AGAP6: variants seen among roughly 807,000 people sequenced by gnomAD.
The protein encoded by AGAP6 is ArfGAP with GTPase domain, ankyrin repeat and PH domain 6.
AGAP6 carries 29 observed loss-of-function variants against 63.9 expected under a neutral mutation model. The ratio of observed to expected loss-of-function variants is 0.45; its 90% CI spans 0.34 to 0.62. The LOEUF is 0.62. AGAP6 is among the 20% of genes least tolerant of loss of function. AGAP6 has a pLI of 0.01. For missense variants in AGAP6, 493 were observed against 884.9 expected (o/e 0.56, Z 5.62); for synonymous variants, 199 against 332.9 (o/e 0.60, Z 4.38).
chr10:50,004,916 TTTATATTGA>T (rs1423026817), intron 6 of AGAP6, among the ~76,000 whole-genome samples, 196 bp downstream of exon 6: 1 of 152,376 alleles, frequency 6.6e-6, no homozygotes, highest in East Asian at 1.9e-4. Context: ...AGAGTATGTG[TTTATATTGA>T]TTATATTGAT....
rs201959678 is a variant in AGAP6, at chr10:49,988,807, C to T, written c.92C>T (p.Thr31Ile). 9.4e-4 allele frequency: 1,500 copies of T among 1,590,170 alleles called. 17 individuals carry two copies. The highest frequency in any genetic ancestry group is 9.0e-4 in the Non-Finnish European group (1,055 of 1,174,556). ...QGSVCPSESE[T>I]YEAGARDRMA... is the part of the protein sequence containing the mutation. ...TCGGTGTGTCCCTCTGAATCTGAGA[C>T]CTATGAGGCAGGAGCTAGGGACAGG... Residue 31 changes from threonine (T) to isoleucine (I), a missense_variant, in exon 1 of 8, where the codon ACC becomes ATC. By Grantham distance (89) the Thr-to-Ile change is moderately conservative. Coordinates refer to ENST00000412531, the MANE Select transcript of AGAP6 (RefSeq NM_001077665.3).
At chr10:50,004,100 T>C (rs1310089290) in intron 5 of AGAP6, among the ~76,000 whole-genome samples, 1 of 151,660 alleles carries the variant, frequency 6.6e-6, no homozygotes, top group African/African-American at 2.4e-5. Context: ...CAGGAGAATC[T>C]CTTGAACCCG....
At chr10:50,005,565 G>C (rs2132156757) in intron 6 of AGAP6, among the ~76,000 whole-genome samples, 1 of 151,724 alleles carries the variant, frequency 6.6e-6, no homozygotes, top group East Asian at 1.9e-4. Flanking sequence ...GAGCTGAGAT[G>C]GTGCCATTGC....
chr10:49,989,582 A>G (rs1480550500), intron 2 of AGAP6, among the ~76,000 whole-genome samples: 1 of 152,136 alleles, frequency 6.6e-6, no homozygotes, highest in African/African-American at 2.4e-5. Context: ...TAAAGTAGCC[A>G]AATCTCAGGA....
In AGAP6 at chr10:49,989,146, C is replaced by G. The variant is rs560245396; in HGVS notation, c.224-162C>G. Among the ~76,000 whole-genome samples the G allele has an allele frequency of 8.6e-5, 13 of 151,648 alleles. No individual in the cohort carries two copies. The South Asian group carries it at 2.5e-3, about 30-fold the overall frequency. On this transcript the variant is annotated intron_variant, in intron 1 of 7. Transcript: ENST00000412531. ...AGTCCAGTCAGTTTCTTTTCGCCTC[C>G]CCTCCCAATCGCCCAGTTCTTGCTC...
Position 49,988,760 on chromosome 10 carries a change from C to T in AGAP6, c.45C>T (p.Leu15=), listed in dbSNP as rs782166423. The part of the protein sequence containing the change: ...LTCRVHPSVS[L]EFDQQQGSVC... ...GTCGTGTGCACCCTAGCGTCAGCCT[C>T]GAGTTTGACCAGCAGCAGGGGTCGG... is the stretch of plus-strand genomic sequence containing the variant. Residue 15 remains leucine (L), a synonymous_variant, in exon 1 of 8, where the codon CTC becomes CTT. Coordinates refer to ENST00000412531, the MANE Select transcript of AGAP6 (RefSeq NM_001077665.3). 17 of 1,588,994 alleles carry T rather than the reference C, an allele frequency of 1.1e-5. No homozygotes were observed. Among genetic ancestry groups the T allele is most frequent in the African/African-American group, 5.4e-5 (4 of 74,078 alleles).
chr10:49,995,048 C>T (rs1214928728), intron 4 of AGAP6, among the ~76,000 whole-genome samples: 9 of 151,932 alleles, frequency 5.9e-5, no homozygotes, highest in African/African-American at 1.4e-4. Context: ...AGTTAATTGC[C>T]AGCACTGTCT....
intron 2 of AGAP6, among the ~76,000 whole-genome samples, chr10:49,989,609 A>G (rs1456418545): frequency 6.6e-6 from 1 of 152,002 alleles, no homozygotes; most frequent in Non-Finnish European, 1.5e-5. Flanking sequence ...CTATTCAAAT[A>G]TTTGGGGATT....
intron 4 of AGAP6, among the ~76,000 whole-genome samples, chr10:49,995,818 T>G (rs1217412309): frequency 3.7e-4 from 57 of 152,362 alleles, no homozygotes; most frequent in African/African-American, 1.1e-3. Context: ...AATCTAAATT[T>G]TATGGTTCTG....
rs1841269371 is a variant in AGAP6, at chr10:49,991,388, T to TTG, written c.293-287_293-286insGT. Reference sequence around the variant, plus strand: ...AAGCCAAAATTTACCTCTTCTGTTTTTTTTTTTTTTTTTTTTTAATAAAGG... The same window carrying TTG: ...AAGCCAAAATTTACCTCTTCTGTTTTTGTTTTTTTTTTTTTTTTTAATAAAGG... On this transcript the variant is annotated intron_variant, in intron 2 of 7. Transcript: ENST00000412531. Among the ~76,000 whole-genome samples the TTG allele has an allele frequency of 2.0e-5, 3 of 149,092 alleles. No homozygotes were observed. The South Asian group carries it at 6.4e-4, about 32-fold the overall frequency.
chr10:49,991,644 T>A, intron 2 of AGAP6, 32 bp from the exon 3 acceptor site: 1 of 1,595,700 alleles, frequency 6.3e-7, no homozygotes, highest in Admixed American at 1.7e-5. Flanking sequence ...AATGATTACA[T>A]CTTTTTTTCT....
At chr10:50,006,167 T>C (rs1324693334) in intron 6 of AGAP6, among the ~76,000 whole-genome samples, 3 of 152,198 alleles carry the variant, frequency 2.0e-5, no homozygotes, top group Non-Finnish European at 2.9e-5. Context: ...ATTTATAATA[T>C]CATGCATTAG....
chr10:49,994,908 G>A (rs1841426572), intron 4 of AGAP6, among the ~76,000 whole-genome samples: 1 of 144,518 alleles, frequency 6.9e-6, no homozygotes, highest in African/African-American at 2.6e-5. Flanking sequence ...GTTGCAGTGA[G>A]CCAAGATCGC....
chr10:50,006,767 A>C (rs1432030255), intron 6 of AGAP6, among the ~76,000 whole-genome samples: 2 of 151,770 alleles, frequency 1.3e-5, no homozygotes, highest in African/African-American at 2.4e-5. Context: ...TTAAAAACAA[A>C]AAAAAAAGCG....
Position 50,002,004 on chromosome 10 carries a change from T to A in AGAP6, c.405T>A (p.Ala135=), listed in dbSNP as rs1841731704. ...GTTCCCTTCCCCTTCAGGTATCTGCTGTGCGTTTCAGTCAACAATACAGCT... is the reference window on the plus strand; with the variant it reads ...GTTCCCTTCCCCTTCAGGTATCTGCAGTGCGTTTCAGTCAACAATACAGCT... The part of the protein sequence containing the change: ...RRSNCTNHVS[A]VRFSQQYSLC... Residue 135 remains alanine, a synonymous_variant, in exon 5 of 8, where the codon GCT becomes GCA. Transcript: ENST00000412531. The A allele has an allele frequency of 2.5e-6, 4 of 1,612,908 alleles. No individual in the cohort carries two copies. Among genetic ancestry groups the A allele is most frequent in the Non-Finnish European group, 3.4e-6 (4 of 1,180,002 alleles).
At chr10:49,998,383 A>AT (rs1326067277) in intron 4 of AGAP6, among the ~76,000 whole-genome samples, 5 of 109,134 alleles carry the variant, frequency 4.6e-5, no homozygotes, top group Non-Finnish European at 9.0e-5. Context: ...TCTTGAGTTG[A>AT]TTTTTGTGTA....
Position 49,989,419 on chromosome 10 carries a change from A to C in AGAP6, c.292+43A>C, listed in dbSNP as rs781820766. The C allele has an allele frequency of 1.0e-5, 16 of 1,597,068 alleles. No individual in the cohort carries two copies. The Middle Eastern group carries it at 9.0e-4, about 90-fold the overall frequency. On this transcript the variant is annotated intron_variant, in intron 2 of 7. Coordinates refer to ENST00000412531, the MANE Select transcript of AGAP6 (RefSeq NM_001077665.3). ...GTAGCTCTATTTATTATCCTGTGGT[A>C]CTTTGTTTAGGCTTCTTTGAGCTAT...
intron 4 of AGAP6, among the ~76,000 whole-genome samples, chr10:49,996,703 G>C (rs868939088): frequency 4.0e-5 from 6 of 148,920 alleles, no homozygotes; most frequent in Non-Finnish European, 7.4e-5. Context: ...AGGTGGACTT[G>C]GGGCTCTAGT....
intron 7 of AGAP6, among the ~76,000 whole-genome samples, chr10:50,008,320 A>G (rs1366095886): frequency 1.7e-5 from 1 of 58,032 alleles, no homozygotes; most frequent in African/African-American, 6.9e-5. Context: ...TTTTTTTTTT[A>G]TGGACTCTCT....
Sources: allele counts gnomAD v4.1 joint callset (sites outside exome capture counted in the v4.1 genomes callset), GRCh38; gene constraint gnomAD v4.1.1; transcripts MANE v1.5; gene names NCBI Gene and HGNC (gene_info 2026-07-23, HGNC 2026-07-21).